Variants in STAT6 observed in about 807,000 individuals in gnomAD.
STAT6 encodes the protein STAT, interleukin4-induced.
STAT6 carries 45 observed loss-of-function variants against 106.3 expected under a neutral mutation model. The observed-to-expected ratio is 0.42, with a 90% CI of 0.33 to 0.54. The LOEUF is 0.54. Ranked by LOEUF, STAT6 falls within the 20% of genes least tolerant of loss-of-function variation. STAT6 has a pLI of 0.06. For missense variants in STAT6, 797 were observed against 1,062.2 expected (o/e 0.75, Z 3.47); for synonymous variants, 413 against 413.6 (o/e 1.00, Z 0.02).
At position 57,107,277 on chromosome 12, in the gene STAT6, G is replaced by C. The variant is rs937605959; in HGVS notation, c.293C>G (p.Thr98Ser). ...CTCTCCTTGAAGTATTTGTCTGAAA[G>C]TGGCCACCAGCTTCAGGGGGTCCCT... ...YQRDPLKLVA[T>S]FRQILQGEKK... Residue 98 changes from threonine to serine, a missense_variant, in exon 4 of 22, where the codon ACT (threonine) becomes AGT (serine). Around this residue, in one of 4 missense-constraint regions of STAT6, gnomAD observed 336 missense variants for 429.8 expected, o/e 0.78. Coordinates refer to ENST00000300134, the MANE Select transcript of STAT6 (RefSeq NM_003153.5). 10 of 1,614,088 alleles carry C rather than the reference G, an allele frequency of 6.2e-6. No individual in the cohort carries two copies. The African/African-American group carries it at 1.3e-4, about 22-fold the overall frequency.
At chr12:57,108,336 C>T (rs1431094988) in intron 1 of STAT6, 37 bp from the exon 2 acceptor site, 12 of 1,179,570 alleles carry the variant, frequency 1.0e-5, no homozygotes, top group Non-Finnish European at 1.5e-5. Context: ...GAGGGGTGCC[C>T]AAGAAACTTG....
chr12:57,100,648 G>T (rs1395149279), intron 13 of STAT6, among the ~76,000 whole-genome samples: 1 of 66,434 alleles, frequency 1.5e-5, no homozygotes, highest in African/African-American at 6.3e-5. Flanking sequence ...GAGAAAGAAA[G>T]AAAGAAAGAA....
chr12:57,104,251 G>A, intron 11 of STAT6: 1 of 624,114 alleles, frequency 1.6e-6, no homozygotes, highest in Non-Finnish European at 2.7e-6. Context: ...TATAGGAAGT[G>A]CTTCCGAAGT....
Position 57,097,147 on chromosome 12 carries a change from G to A in STAT6, c.2160-14C>T. ...TGCAGGTGAGGCCTGGAAGTAGGGA[G>A]AGCACAGTTAGAGGAAGGCAGGCTA... On this transcript the variant is annotated splice_polypyrimidine_tract_variant and intron_variant, in intron 19 of 21. Transcript: ENST00000300134. The A allele has an allele frequency of 6.6e-7, 1 of 1,507,384 alleles. No homozygotes were observed. The highest frequency in any genetic ancestry group is 1.4e-5 in the South Asian group (1 of 72,706). The allele number at this position is 1,507,384 out of a possible 1,614,324, so 93.4% of individuals were successfully genotyped here.
intron 19 of STAT6, among the ~76,000 whole-genome samples, chr12:57,097,981 C>T (rs1388127990): frequency 6.6e-6 from 1 of 152,124 alleles, no homozygotes; most frequent in African/African-American, 2.4e-5. Flanking sequence ...AGAACAGTAT[C>T]ATGCTGCTCG....
chr12:57,099,006 C>G lies in STAT6; in HGVS notation c.1955+9G>C. 8.7e-6 allele frequency: 14 copies of G among 1,614,162 alleles called. No individual in the cohort carries two copies. The highest frequency in any genetic ancestry group is 1.2e-5 in the Non-Finnish European group (14 of 1,180,040). On this transcript the variant is annotated intron_variant, in intron 17 of 21. Transcript: ENST00000300134. This position sits in a 1 kb window ranked among gnomAD's most constrained non-coding sequence, Gnocchi z 4.7. ...CTGACCTACCCACTGTCCATACCACCACACTCACCTTTCCACGGTCATCTT... is the reference window on the plus strand; with the variant it reads ...CTGACCTACCCACTGTCCATACCACGACACTCACCTTTCCACGGTCATCTT...
chr12:57,100,930 C>T (rs1469138979), intron 13 of STAT6: 1 of 452,034 alleles, frequency 2.2e-6, no homozygotes, highest in East Asian at 7.0e-5. Context: ...TAGTATCTAC[C>T]TCAAAGAGAT....
In STAT6 at chr12:57,102,644, G is replaced by C. The variant is rs2136591194; in HGVS notation, c.1306-148C>G. 3 of 998,962 alleles carry C rather than the reference G, an allele frequency of 3.0e-6. No individual in the cohort carries two copies. In the South Asian group the frequency reaches 4.8e-5, roughly 16 times the overall value. 61.9% of individuals were successfully genotyped at this position (998,962 alleles called of 1,614,324 possible). ...CATGCTGTTTTTTCTAGGTTACAGT[G>C]CTGTGGCCTGATAGTTGTTAAGACT... On this transcript the variant is annotated intron_variant, in intron 12 of 21. Transcript: ENST00000300134.
intron 9 of STAT6, 55 bp downstream of exon 9, chr12:57,105,096 C>A: frequency 2.6e-6 from 4 of 1,551,318 alleles, no homozygotes; most frequent in Non-Finnish European, 3.5e-6. Context: ...GCCCTCCAGG[C>A]TGCCTCCATC....
chr12:57,101,404 T>C (rs2033922991), intron 13 of STAT6, among the ~76,000 whole-genome samples: 1 of 121,414 alleles, frequency 8.2e-6, no homozygotes, highest in African/African-American at 2.7e-5. Flanking sequence ...TTTTTTTTTT[T>C]GATACAGAGT....
intron 7 of STAT6, 182 bp downstream of exon 7, chr12:57,106,009 C>G (rs904564777): frequency 1.1e-4 from 115 of 1,030,390 alleles, no homozygotes; most frequent in Non-Finnish European, 1.5e-4. Flanking sequence ...TCCACTAGGC[C>G]CACTTGTACA....
intron 11 of STAT6, 96 bp from the exon 12 acceptor site, chr12:57,103,017 A>C: frequency 1.6e-6 from 1 of 627,628 alleles, no homozygotes; most frequent in Non-Finnish European, 2.3e-6. Flanking sequence ...TTTTTTTTAG[A>C]TAGTATCTCA....
chr12:57,108,295 G>C lies in STAT6; in HGVS notation c.-17C>G, dbSNP rs2034397672. On this transcript the variant is annotated 5_prime_UTR_variant, in exon 2 of 22. Transcript: ENST00000300134. ...CAGAGACATGATCTGGGACTTGGAG[G>C]TTGCCTGGAGGAGAAAAATAAGGCC... is the stretch of plus-strand genomic sequence containing the variant. 1 of 1,548,760 alleles carries C rather than the reference G, an allele frequency of 6.5e-7. No homozygotes were observed. The highest frequency in any genetic ancestry group is 1.4e-5 in the African/African-American group (1 of 73,694).
Position 57,099,084 on chromosome 12 carries a change from G to A in STAT6, c.1892-6C>T. ...ATCCTTACCCATCTGTTCAGCTGTT[G>A]TGAGAAGGAAAAGACAGCCATGGAG... On this transcript the variant is annotated splice_region_variant and splice_polypyrimidine_tract_variant and intron_variant, in intron 16 of 21. Transcript: ENST00000300134. This position sits in a 1 kb window ranked among gnomAD's most constrained non-coding sequence, Gnocchi z 4.7. 1.2e-6 allele frequency: 2 copies of A among 1,614,124 alleles called. No individual in the cohort carries two copies. Among genetic ancestry groups the A allele is most frequent in the Non-Finnish European group, 8.5e-7 (1 of 1,180,014 alleles).
At chr12:57,106,613 A>T in intron 5 of STAT6, 33 bp from the exon 6 acceptor site, 2 of 1,613,950 alleles carry the variant, frequency 1.2e-6, no homozygotes, top group South Asian at 1.1e-5. Context: ...AAGGGTGCAG[A>T]CAGATTAGAG....
At chr12:57,105,745 A>G in intron 7 of STAT6, 146 bp from the exon 8 acceptor site, 1 of 1,320,124 alleles carries the variant, frequency 7.6e-7, no homozygotes, top group Non-Finnish European at 1.0e-6. Flanking sequence ...ACCTGGGCTG[A>G]AGGGGGTTCT....
At chr12:57,097,476 T>C (rs940014869) in intron 19 of STAT6, among the ~76,000 whole-genome samples, 1 of 152,192 alleles carries the variant, frequency 6.6e-6, no homozygotes, top group Non-Finnish European at 1.5e-5. Context: ...GAAAAATGTC[T>C]AGGCCATTTC....
intron 11 of STAT6, chr12:57,103,225 C>A: frequency 4.9e-6 from 1 of 204,896 alleles, no homozygotes; most frequent in Non-Finnish European, 9.7e-6. Context: ...AGTGCAGTGG[C>A]GCGATCTTGG....
At chr12:57,105,834 C>T (rs2034240143) in intron 7 of STAT6, 3 of 736,428 alleles carry the variant, frequency 4.1e-6, no homozygotes, top group East Asian at 5.7e-5. Context: ...GCTGCCTCTC[C>T]CCCGACGGCT....
Sources: allele counts gnomAD v4.1 joint callset (sites outside exome capture counted in the v4.1 genomes callset), GRCh38; gene constraint gnomAD v4.1.1; regional missense constraint gnomAD v4.1.1; non-coding constraint Gnocchi (gnomAD v3.1); transcripts MANE v1.5; gene names NCBI Gene and HGNC (gene_info 2026-07-23, HGNC 2026-07-21).